Variants in PLEKHM3 observed in about 807,000 individuals in gnomAD.
The protein encoded by PLEKHM3 is pleckstrin homology domain containing M3.
PLEKHM3 carries 45 observed loss-of-function variants against 81.8 expected under a neutral mutation model. That is an observed-to-expected ratio of 0.55 (90% CI 0.43 to 0.71). The LOEUF (loss-of-function observed/expected upper bound fraction) is 0.71. PLEKHM3 is among the 30% of genes least tolerant of loss of function. PLEKHM3 has a pLI of 0.00. For missense variants in PLEKHM3, 788 were observed against 924.3 expected (o/e 0.85, Z 1.91); for synonymous variants, 352 against 356.4 (o/e 0.99, Z 0.14).
At chr2:207,902,937 A>C (rs1051583273) in intron 6 of PLEKHM3, among the ~76,000 whole-genome samples, 34 of 151,248 alleles carry the variant, frequency 2.2e-4, no homozygotes, top group African/African-American at 8.2e-4. Context: ...CTTTAGTATA[A>C]AACAAACGGT....
chr2:208,000,785 C>G (rs1214439740), intron 2 of PLEKHM3, among the ~76,000 whole-genome samples: 5 of 151,966 alleles, frequency 3.3e-5, no homozygotes, highest in African/African-American at 1.2e-4. Flanking sequence ...TGTCTTTTCA[C>G]TAAATACCTC....
chr2:207,918,139 TTC>T (rs1373660074), intron 5 of PLEKHM3, among the ~76,000 whole-genome samples: 6 of 152,202 alleles, frequency 3.9e-5, no homozygotes, highest in Non-Finnish European at 7.3e-5. Context: ...AAACACCATT[TTC>T]ACTCATTTCA....
At chr2:207,834,216 A>G (rs1575264158) in intron 7 of PLEKHM3, among the ~76,000 whole-genome samples, 1 of 147,616 alleles carries the variant, frequency 6.8e-6, no homozygotes. Context: ...CACAATCTCC[A>G]CCTCCCAGGT....
chr2:207,852,982 G>A, intron 7 of PLEKHM3: 2 of 368,534 alleles, frequency 5.4e-6, no homozygotes, highest in South Asian at 4.3e-5. Flanking sequence ...GGGAGCTCCA[G>A]GTCCACCCCG....
chr2:208,018,189 A>G (rs1692991736), intron 1 of PLEKHM3, among the ~76,000 whole-genome samples: 1 of 152,134 alleles, frequency 6.6e-6, no homozygotes, highest in Non-Finnish European at 1.5e-5. Context: ...CCTGGCCAAC[A>G]TGGTGAAACC....
At chr2:207,893,322 G>C (rs1220635995) in intron 6 of PLEKHM3, among the ~76,000 whole-genome samples, 1 of 152,178 alleles carries the variant, frequency 6.6e-6, no homozygotes, top group African/African-American at 2.4e-5. Context: ...TCCTTCTTTG[G>C]GTTTTGGGGG....
chr2:207,863,090 G>C (rs933087920), intron 6 of PLEKHM3, among the ~76,000 whole-genome samples: 1 of 152,196 alleles, frequency 6.6e-6, no homozygotes, highest in Non-Finnish European at 1.5e-5. Flanking sequence ...TCCTTCAATT[G>C]AAAGTCCCTC....
intron 3 of PLEKHM3, 36 bp from the exon 4 acceptor site, chr2:207,946,548 T>C (rs1252999406): frequency 6.2e-7 from 1 of 1,608,068 alleles, no homozygotes; most frequent in South Asian, 1.1e-5. Context: ...ATGATTGCTG[T>C]TGTACTTTTA....
chr2:207,837,623 T>C (rs1403519026), intron 7 of PLEKHM3, among the ~76,000 whole-genome samples: 1 of 140,808 alleles, frequency 7.1e-6, no homozygotes, highest in African/African-American at 2.6e-5. Context: ...AAAATTACAA[T>C]AGTTCTCCCT....
chr2:207,885,892 T>C (rs1330606756), intron 6 of PLEKHM3, among the ~76,000 whole-genome samples: 4 of 152,194 alleles, frequency 2.6e-5, no homozygotes, highest in African/African-American at 7.2e-5. Flanking sequence ...GAGTACACTT[T>C]AGAAAGAAAG....
intron 1 of PLEKHM3, among the ~76,000 whole-genome samples, chr2:208,013,255 T>C (rs529325026): frequency 5.9e-5 from 9 of 152,336 alleles, no homozygotes; most frequent in African/African-American, 1.7e-4. Flanking sequence ...TGGTGGCTCA[T>C]GCCTATAATC....
intron 3 of PLEKHM3, among the ~76,000 whole-genome samples, chr2:207,949,250 T>C (rs1051181796): frequency 1.3e-5 from 2 of 152,202 alleles, no homozygotes; most frequent in Non-Finnish European, 2.9e-5. Context: ...CATGTTCACA[T>C]AGGAACCATG....
rs2092260823 is a variant in PLEKHM3, at chr2:207,827,928, CT to C, written c.*390del. Reference sequence around the variant, plus strand: ...AATAACACAAAAATAACCTAAAGCACTGTTTTGTGCAGGAAATGCTTCCTTT... The same window carrying C: ...AATAACACAAAAATAACCTAAAGCACGTTTTGTGCAGGAAATGCTTCCTTT... On this transcript the variant is annotated 3_prime_UTR_variant, in exon 8 of 8. Coordinates refer to ENST00000427836, the MANE Select transcript of PLEKHM3 (RefSeq NM_001080475.3). The C allele has an allele frequency of 6.5e-6, 1 of 153,122 alleles. No homozygotes were observed. The highest frequency in any genetic ancestry group is 1.5e-5 in the Non-Finnish European group (1 of 68,784). The allele number at this position is 153,122 out of a possible 1,614,324, so 9.5% of individuals were successfully genotyped here.
intron 1 of PLEKHM3, among the ~76,000 whole-genome samples, chr2:208,016,696 C>CACACACACA (rs368432659): frequency 2.0e-5 from 3 of 148,378 alleles, no homozygotes; most frequent in African/African-American, 4.9e-5. Context: ...CACACACACA[C>CACACACACA]CCTGGTTTCA....
At chr2:208,015,919 C>T (rs1692893645) in intron 1 of PLEKHM3, among the ~76,000 whole-genome samples, 1 of 152,204 alleles carries the variant, frequency 6.6e-6, no homozygotes, top group African/African-American at 2.4e-5. Flanking sequence ...GCTGGCCAGG[C>T]ACGGTGGCTC....
chr2:207,834,508 C>G (rs1054038539), intron 7 of PLEKHM3, among the ~76,000 whole-genome samples: 24 of 150,766 alleles, frequency 1.6e-4, no homozygotes, highest in Admixed American at 1.1e-3. Context: ...TCACCGCAAC[C>G]TCCACCTCCT....
In PLEKHM3 at chr2:207,822,251, C is replaced by T. The variant is rs2105870417; in HGVS notation, c.*6068G>A. The T allele has an allele frequency of 6.5e-6, 1 of 152,732 alleles. No individual in the cohort carries two copies. The highest frequency in any genetic ancestry group is 2.1e-4 in the South Asian group (1 of 4,832). The allele number at this position is 152,732 out of a possible 1,614,324, so 9.5% of individuals were successfully genotyped here. ...AAGAGACATTTTTATCACAATTTAT[C>T]TAAGAGGCTTCCCACTTCTTATTTG... On this transcript the variant is annotated 3_prime_UTR_variant, in exon 8 of 8. Transcript: ENST00000427836.
intron 6 of PLEKHM3, among the ~76,000 whole-genome samples, chr2:207,882,547 G>T (rs768123903): frequency 1.3e-4 from 19 of 149,934 alleles, no homozygotes; most frequent in Admixed American, 3.3e-4. Flanking sequence ...GGGAGGCAGA[G>T]GTTGCAGTGA....
At chr2:207,844,469 A>AT (rs74889084) in intron 7 of PLEKHM3, among the ~76,000 whole-genome samples, 47,178 of 138,242 alleles carry the variant, frequency 0.34, 8,265 homozygotes, top group Middle Eastern at 0.39. Context: ...CGCCCGGAGA[A>AT]TTTTTTTTTT....
Sources: gnomAD v4.1 joint callset for allele counts (sites outside exome capture counted in the v4.1 genomes callset) on GRCh38, gnomAD v4.1.1 for gene constraint, MANE v1.5 for transcripts, NCBI Gene and HGNC (gene_info 2026-07-23, HGNC 2026-07-21) for gene names.